Variants in THEMIS observed in about 807,000 individuals in gnomAD.
THEMIS encodes protein THEMIS.
Under a neutral mutation model 52.6 loss-of-function variants are expected in THEMIS, and 37 were observed. The observed-to-expected ratio is 0.70, with a 90% CI of 0.54 to 0.93. The LOEUF is 0.93. Ranked by LOEUF, THEMIS falls within the 40% of genes least tolerant of loss-of-function variation. The pLI is 0.00. For missense variants in THEMIS, 808 were observed against 763.1 expected, an observed-to-expected ratio of 1.06 and a Z score of -0.69; for synonymous variants, 292 against 272.7, an observed-to-expected ratio of 1.07 and a Z score of -0.70.
intron 3 of THEMIS, among the ~76,000 whole-genome samples, chr6:127,822,093 G>C (rs909719467): frequency 6.6e-6 from 1 of 151,810 alleles, no homozygotes; most frequent in Non-Finnish European, 1.5e-5. Context: ...TAAGACTACA[G>C]TTGTTTTTCT....
intron 3 of THEMIS, among the ~76,000 whole-genome samples, chr6:127,824,073 A>G (rs979249878): frequency 6.6e-6 from 1 of 152,164 alleles, no homozygotes; most frequent in Non-Finnish European, 1.5e-5. Flanking sequence ...TGAAGCCAGG[A>G]GGCTAAAAAC....
At chr6:127,882,459 A>C (rs1780513996) in intron 1 of THEMIS, among the ~76,000 whole-genome samples, 1 of 151,908 alleles carries the variant, frequency 6.6e-6, no homozygotes, top group Non-Finnish European at 1.5e-5. Context: ...TTACAAGCTT[A>C]GATATAGAAA....
intron 1 of THEMIS, among the ~76,000 whole-genome samples, chr6:127,868,756 G>T (rs1220504251): frequency 6.6e-6 from 1 of 152,122 alleles, no homozygotes; most frequent in Admixed American, 6.6e-5. Context: ...TCATATAGTG[G>T]TTGGCTGAGA....
intron 1 of THEMIS, among the ~76,000 whole-genome samples, chr6:127,874,312 C>T (rs1780248362): frequency 6.6e-6 from 1 of 152,182 alleles, no homozygotes; most frequent in South Asian, 2.1e-4. Flanking sequence ...TGTGATTTAA[C>T]ACTGCATCTG....
intron 1 of THEMIS, among the ~76,000 whole-genome samples, chr6:127,888,056 T>C (rs1357398537): frequency 6.6e-6 from 1 of 151,980 alleles, no homozygotes; most frequent in Non-Finnish European, 1.5e-5. Context: ...AGAAGGGAGT[T>C]AGTCAAGTCG....
chr6:127,829,976 A>G (rs1472810339), intron 2 of THEMIS, 42 bp from the exon 3 acceptor site: 11 of 1,453,032 alleles, frequency 7.6e-6, no homozygotes, highest in Non-Finnish European at 1.0e-5. Context: ...AGTTCTTACA[A>G]TGAAAGTTCT....
At chr6:127,763,655 T>C (rs1297996634) in intron 4 of THEMIS, among the ~76,000 whole-genome samples, 1 of 152,030 alleles carries the variant, frequency 6.6e-6, no homozygotes, top group African/African-American at 2.4e-5. Flanking sequence ...CTTCATTTTC[T>C]CTTCATATAA....
At chr6:127,847,358 A>G (rs1386317089) in intron 2 of THEMIS, among the ~76,000 whole-genome samples, 3 of 152,016 alleles carry the variant, frequency 2.0e-5, no homozygotes, top group South Asian at 2.1e-4. Context: ...ATATTTGCCA[A>G]TGATATCATC....
intron 1 of THEMIS, among the ~76,000 whole-genome samples, chr6:127,855,437 C>T (rs764820417): frequency 2.0e-5 from 3 of 151,770 alleles, no homozygotes; most frequent in Admixed American, 1.3e-4. Context: ...TTATGATTTC[C>T]TCAGCACCCT....
rs1562203935 is a variant in THEMIS, at chr6:127,708,301, T to C, written c.*1684A>G. The C allele has an allele frequency of 2.0e-5, 3 of 152,104 alleles. No individual in the cohort carries two copies. The South Asian group carries it at 6.2e-4, about 31-fold the overall frequency. The allele number at this position is 152,104 out of a possible 1,614,324, so 9.4% of individuals were successfully genotyped here. ...TCAAGACAACTGGAAACACAGTATG[T>C]GAAAGGACTTATATTTAGAAATGTT... On this transcript the variant is annotated 3_prime_UTR_variant, in exon 6 of 6. Coordinates refer to ENST00000368248, the MANE Select transcript of THEMIS (RefSeq NM_001010923.3).
intron 1 of THEMIS, chr6:127,868,573 T>C: frequency 1.8e-6 from 1 of 554,648 alleles, no homozygotes; most frequent in Non-Finnish European, 2.3e-6. Flanking sequence ...CAGGTGGATA[T>C]GGGATGACTC....
At chr6:127,755,012 CT>C (rs200184520) in intron 4 of THEMIS, among the ~76,000 whole-genome samples, 21 of 149,366 alleles carry the variant, frequency 1.4e-4, no homozygotes, top group African/African-American at 2.2e-4. Flanking sequence ...CACATTCATT[CT>C]TTTTTTTTTA....
chr6:127,917,931 T>G (rs894574788), intron 1 of THEMIS, among the ~76,000 whole-genome samples: 6 of 152,320 alleles, frequency 3.9e-5, no homozygotes, highest in East Asian at 1.9e-4. Context: ...TCTAATAAAT[T>G]TATCCTTTCT....
chr6:127,728,908 T>C (rs1774646540), intron 4 of THEMIS, among the ~76,000 whole-genome samples: 1 of 152,232 alleles, frequency 6.6e-6, no homozygotes. Flanking sequence ...TTTTTCATTA[T>C]ATTTGAGCAA....
chr6:127,755,725 A>G (rs1225574285), intron 4 of THEMIS, among the ~76,000 whole-genome samples: 1 of 152,126 alleles, frequency 6.6e-6, no homozygotes, highest in Non-Finnish European at 1.5e-5. Context: ...GTTTATCATC[A>G]TGGTCTTTAA....
intron 4 of THEMIS, among the ~76,000 whole-genome samples, chr6:127,812,408 T>G (rs1265505233): frequency 6.6e-6 from 1 of 152,176 alleles, no homozygotes; most frequent in Non-Finnish European, 1.5e-5. Context: ...TATTTTTACA[T>G]CTTTCTGCAC....
At chr6:127,803,075 C>G (rs1777588858) in intron 4 of THEMIS, among the ~76,000 whole-genome samples, 1 of 152,178 alleles carries the variant, frequency 6.6e-6, no homozygotes, top group Admixed American at 6.5e-5. Context: ...TGCTAAAATT[C>G]TCTTGAATAT....
intron 4 of THEMIS, among the ~76,000 whole-genome samples, chr6:127,764,786 A>C (rs906406798): frequency 6.6e-6 from 1 of 151,988 alleles, no homozygotes; most frequent in Non-Finnish European, 1.5e-5. Context: ...AAGTTATTTT[A>C]ACTCTGCTTT....
intron 2 of THEMIS, among the ~76,000 whole-genome samples, chr6:127,832,696 T>C (rs987489389): frequency 3.3e-5 from 5 of 149,896 alleles, no homozygotes; most frequent in Non-Finnish European, 7.4e-5. Context: ...ATCAAGTTAT[T>C]AAAATAAGCC....
Sources: gnomAD v4.1 joint callset for allele counts (sites outside exome capture counted in the v4.1 genomes callset) on GRCh38, gnomAD v4.1.1 for gene constraint, MANE v1.5 for transcripts, NCBI Gene and HGNC (gene_info 2026-07-23, HGNC 2026-07-21) for gene names.